CNIH3: variants seen among roughly 807,000 people sequenced by gnomAD.
CNIH3 encodes protein cornichon homolog 3.
A neutral mutation model predicts 24.1 loss-of-function variants in CNIH3; 14 were observed. The ratio of observed to expected loss-of-function variants is 0.58; its 90% CI spans 0.38 to 0.91. The LOEUF is 0.91. Among genes scored for constraint, CNIH3 ranks in the 40% least tolerant of loss-of-function variants. CNIH3 has a pLI of 0.00. For synonymous variants in CNIH3, 68 were observed against 73.8 expected (o/e 0.92, Z 0.40); for missense variants, 178 against 196.8 (o/e 0.90, Z 0.57).
intron 1 of CNIH3, among the ~76,000 whole-genome samples, chr1:224,475,130 G>A (rs569430853): frequency 3.3e-5 from 5 of 150,332 alleles, no homozygotes; most frequent in East Asian, 3.9e-4. Flanking sequence ...AGGTAGAGGC[G>A]GGCGGATCAC....
chr1:224,730,854 C>T (rs1689290137), intron 4 of CNIH3, among the ~76,000 whole-genome samples: 1 of 152,164 alleles, frequency 6.6e-6, no homozygotes, highest in African/African-American at 2.4e-5. Flanking sequence ...GTGGAACCAA[C>T]CCAAATGCCC....
intron 1 of CNIH3, among the ~76,000 whole-genome samples, chr1:224,444,935 G>T (rs1572252474): frequency 1.3e-5 from 2 of 148,890 alleles, no homozygotes; most frequent in East Asian, 3.9e-4. Flanking sequence ...AAGCCACCAC[G>T]CCCGGCCCTT....
intron 1 of CNIH3, among the ~76,000 whole-genome samples, chr1:224,441,541 C>T (rs959169617): frequency 1.3e-5 from 2 of 152,168 alleles, no homozygotes; most frequent in African/African-American, 2.4e-5. Context: ...TTCTCAGTTT[C>T]GAATGTGTTG....
At chr1:224,473,548 G>A (rs773498249) in intron 1 of CNIH3, among the ~76,000 whole-genome samples, 6 of 152,014 alleles carry the variant, frequency 3.9e-5, no homozygotes, top group Non-Finnish European at 5.9e-5. Context: ...TATAAAAAGC[G>A]ACAAAAAGGT....
chr1:224,533,446 G>T (rs1679160470), intron 2 of CNIH3, among the ~76,000 whole-genome samples: 2 of 151,284 alleles, frequency 1.3e-5, no homozygotes, highest in Admixed American at 1.3e-4. Flanking sequence ...AAGTCTATCT[G>T]CTGTATCACT....
At chr1:224,560,804 A>G (rs1680338632) in intron 3 of CNIH3, among the ~76,000 whole-genome samples, 1 of 152,162 alleles carries the variant, frequency 6.6e-6, no homozygotes, top group Non-Finnish European at 1.5e-5. Flanking sequence ...AAAGTGCACA[A>G]TAAGAGTAAT....
chr1:224,738,579 A>G (rs1279129351), intron 5 of CNIH3, among the ~76,000 whole-genome samples: 1 of 152,142 alleles, frequency 6.6e-6, no homozygotes, highest in African/African-American at 2.4e-5. Context: ...TTCTCACTAT[A>G]ATGTGAAAAG....
chr1:224,713,192 A>G (rs1295188889), intron 3 of CNIH3, among the ~76,000 whole-genome samples: 4 of 152,212 alleles, frequency 2.6e-5, no homozygotes, highest in Non-Finnish European at 5.9e-5. Context: ...GTTGCAGTCC[A>G]ATAGTTTATT....
intron 1 of CNIH3, among the ~76,000 whole-genome samples, chr1:224,506,816 C>T (rs1677938561): frequency 6.6e-6 from 1 of 151,976 alleles, no homozygotes; most frequent in African/African-American, 2.4e-5. Context: ...TCAACAAGCT[C>T]AGTATCTACA....
At chr1:224,435,115 C>T in intron 1 of CNIH3, 1 of 985,802 alleles carries the variant, frequency 1.0e-6, no homozygotes. Flanking sequence ...GGCGTGCGTG[C>T]GTGAGTCCAC....
chr1:224,503,606 G>A (rs1677775379), intron 1 of CNIH3, among the ~76,000 whole-genome samples: 1 of 152,192 alleles, frequency 6.6e-6, no homozygotes, highest in African/African-American at 2.4e-5. Flanking sequence ...GCACAGGGGC[G>A]GGTCCCCTCC....
At chr1:224,504,551 C>A (rs1677815280) in intron 1 of CNIH3, among the ~76,000 whole-genome samples, 1 of 151,870 alleles carries the variant, frequency 6.6e-6, no homozygotes. Flanking sequence ...CCCCTCTCCT[C>A]CCCTCCTGTA....
At position 224,684,914 on chromosome 1, in the gene CNIH3, T is replaced by TC; in HGVS notation, c.198+71_198+72insC. 20 of 1,429,214 alleles carry TC rather than the reference T, an allele frequency of 1.4e-5. No individual in the cohort carries two copies. Among genetic ancestry groups the TC allele is most frequent in the East Asian group, 2.3e-5 (1 of 43,990 alleles). 88.5% of individuals were successfully genotyped at this position (1,429,214 alleles called of 1,614,324 possible). The stretch of plus-strand genomic sequence containing the variant: ...TGGGTGGGCACACAGTGAAAGAGGC[T>TC]AGTGAGGCTCTGCCTGCTCCAGTCC... On this transcript the variant is annotated intron_variant, in intron 3 of 5. Transcript: ENST00000272133. This position sits in a 1 kb window ranked among gnomAD's most constrained non-coding sequence, Gnocchi z 4.2.
At chr1:224,614,757 G>T (rs1460374062), upstream of CNIH3, among the ~76,000 whole-genome samples, 1 of 151,832 alleles carries the variant, frequency 6.6e-6, no homozygotes, top group Non-Finnish European at 1.5e-5. Context: ...GACCATCTTG[G>T]CCAACATGGT....
chr1:224,684,919 A>T lies in CNIH3; in HGVS notation c.198+76A>T. 7.2e-7 allele frequency: 1 copy of T among 1,379,344 alleles called. No homozygotes were observed. The allele number at this position is 1,379,344 out of a possible 1,614,324, so 85.4% of individuals were successfully genotyped here. A position where few individuals can be genotyped will look rare whatever the true frequency, so the allele number is the denominator to read the frequency against. On this transcript the variant is annotated intron_variant, in intron 3 of 5. Coordinates refer to ENST00000272133, the MANE Select transcript of CNIH3 (RefSeq NM_152495.2). This position sits in a 1 kb window ranked among gnomAD's most constrained non-coding sequence, Gnocchi z 4.2. ...GGGCACACAGTGAAAGAGGCTAGTG[A>T]GGCTCTGCCTGCTCCAGTCCTGTCC...
intron 1 of CNIH3, among the ~76,000 whole-genome samples, chr1:224,479,374 A>T (rs1676715656): frequency 6.6e-6 from 1 of 151,900 alleles, no homozygotes; most frequent in African/African-American, 2.4e-5. Context: ...GGCTGGTCTC[A>T]AACTCCTGAC....
At chr1:224,692,253 C>T (rs1686968334) in intron 3 of CNIH3, among the ~76,000 whole-genome samples, 1 of 152,112 alleles carries the variant, frequency 6.6e-6, no homozygotes, top group Non-Finnish European at 1.5e-5. Flanking sequence ...CTGCGGTGAG[C>T]CAAGGTCATG....
intron 2 of CNIH3, among the ~76,000 whole-genome samples, chr1:224,522,393 C>A (rs1678671531): frequency 6.6e-6 from 1 of 152,168 alleles, no homozygotes; most frequent in Admixed American, 6.6e-5. Flanking sequence ...TGGGAAGGAG[C>A]TGGAGTCTGA....
At chr1:224,569,546 T>C (rs1361568458) in intron 4 of CNIH3, among the ~76,000 whole-genome samples, 1 of 152,178 alleles carries the variant, frequency 6.6e-6, no homozygotes, top group Non-Finnish European at 1.5e-5. Flanking sequence ...TAATCCTGCA[T>C]GCGGACCTGC....
Sources: gnomAD v4.1 joint callset for allele counts (sites outside exome capture counted in the v4.1 genomes callset) on GRCh38, gnomAD v4.1.1 for gene constraint, Gnocchi (gnomAD v3.1) non-coding constraint, MANE v1.5 for transcripts, NCBI Gene and HGNC (gene_info 2026-07-23, HGNC 2026-07-21) for gene names.